The following FER variants were observed in gnomAD, a reference collection of about 807,000 sequenced individuals.
FER encodes the protein tyrosine-protein kinase Fer.
A neutral mutation model predicts 111.0 loss-of-function variants in FER; 63 were observed. That is an observed-to-expected ratio of 0.57 (90% confidence interval 0.46 to 0.70). FER has a LOEUF of 0.70. Among genes scored for constraint, FER ranks in the 30% least tolerant of loss-of-function variants. The pLI is 0.00. For synonymous variants in FER, 327 were observed against 313.9 expected (o/e 1.04, Z -0.44); for missense variants, 914 against 954.0 (o/e 0.96, Z 0.55).
At chr5:108,887,324 T>C (rs1022894754) in intron 9 of FER, among the ~76,000 whole-genome samples, 15 of 151,652 alleles carry the variant, frequency 9.9e-5, no homozygotes, top group Non-Finnish European at 2.1e-4. Context: ...CTAAAATATC[T>C]AATGACAGTG....
chr5:109,178,146 A>T (rs1757906109), intron 17 of FER, among the ~76,000 whole-genome samples: 1 of 152,208 alleles, frequency 6.6e-6, no homozygotes, highest in Non-Finnish European at 1.5e-5. Context: ...TACTTATTAG[A>T]ATATTTGCAA....
intron 11 of FER, among the ~76,000 whole-genome samples, chr5:108,952,494 A>C (rs1757902876): frequency 6.6e-6 from 1 of 152,010 alleles, no homozygotes; most frequent in African/African-American, 2.4e-5. Context: ...ATGTGTATAT[A>C]CACACATACA....
intron 10 of FER, among the ~76,000 whole-genome samples, chr5:108,919,303 G>A (rs1752698076): frequency 1.3e-5 from 2 of 151,028 alleles, no homozygotes; most frequent in Non-Finnish European, 1.5e-5. Flanking sequence ...TGGCTTTATA[G>A]ATGATCAGTA....
At chr5:108,945,768 C>T (rs553233402) in intron 10 of FER, among the ~76,000 whole-genome samples, 4 of 152,052 alleles carry the variant, frequency 2.6e-5, no homozygotes, top group Admixed American at 6.6e-5. Flanking sequence ...CCGAAATAGT[C>T]TGTTAAATAG....
At position 108,749,472 on chromosome 5, in the gene FER, G is replaced by T. The variant is rs1034908206; in HGVS notation, c.-206+1472G>T. ...TGTACCCTCACCCCTTTTCTCGGCG[G>T]CACTCATCTGGGCGCCGCCGTCCCG... On this transcript the variant is annotated intron_variant, in intron 1 of 19. Transcript: ENST00000281092. Among the ~76,000 whole-genome samples the T allele has an allele frequency of 3.3e-5, 5 of 152,156 alleles. No homozygotes were observed. The East Asian group carries it at 7.8e-4, about 24-fold the overall frequency.
chr5:108,757,374 T>A (rs1580384964), intron 1 of FER, among the ~76,000 whole-genome samples: 1 of 152,158 alleles, frequency 6.6e-6, no homozygotes, highest in East Asian at 1.9e-4. Context: ...CATGTTTCTT[T>A]GTAAAAAAAT....
In FER at chr5:108,939,821, A is replaced by G. The variant is rs78385436; in HGVS notation, c.1237-6309A>G. ...TCTTGACTGAGGACTTGAAACTCCA[A>G]ATGTTCCCAGTTACTAGTTGCAGTA... On this transcript the variant is annotated intron_variant, in intron 10 of 19. Coordinates refer to ENST00000281092, the MANE Select transcript of FER (RefSeq NM_005246.4). Among the ~76,000 whole-genome samples the G allele has an allele frequency of 9.2e-5, 14 of 152,140 alleles. No individual in the cohort carries two copies. In the East Asian group the frequency reaches 2.7e-3, roughly 29 times the overall value.
intron 5 of FER, among the ~76,000 whole-genome samples, chr5:108,860,761 A>T (rs187271104): frequency 2.5e-3 from 377 of 152,344 alleles, no homozygotes; most frequent in African/African-American, 8.5e-3. Flanking sequence ...TGCTATAAAG[A>T]CATATAATTA....
intron 17 of FER, among the ~76,000 whole-genome samples, chr5:109,115,360 G>C (rs578152445): frequency 6.6e-6 from 1 of 152,052 alleles, no homozygotes; most frequent in African/African-American, 2.4e-5. Context: ...TGACTCCTAG[G>C]TTTCTCAGAT....
intron 13 of FER, among the ~76,000 whole-genome samples, chr5:108,968,890 C>T (rs1760253620): frequency 6.6e-6 from 1 of 152,020 alleles, no homozygotes; most frequent in African/African-American, 2.4e-5. Context: ...TATGGGGCTA[C>T]TTTAGAAAAT....
At chr5:108,928,677 A>G (rs1488191164) in intron 10 of FER, among the ~76,000 whole-genome samples, 1 of 152,062 alleles carries the variant, frequency 6.6e-6, no homozygotes, top group Non-Finnish European at 1.5e-5. Context: ...TAATTTTTAT[A>G]TAGCATCTCC....
At chr5:109,182,499 G>A (rs1020714940) in intron 18 of FER, among the ~76,000 whole-genome samples, 2 of 152,112 alleles carry the variant, frequency 1.3e-5, no homozygotes, top group African/African-American at 2.4e-5. Context: ...TATTACTAAG[G>A]GGGATGATCA....
chr5:109,119,661 T>A (rs957124745), intron 17 of FER, among the ~76,000 whole-genome samples: 1 of 152,080 alleles, frequency 6.6e-6, no homozygotes, highest in Non-Finnish European at 1.5e-5. Context: ...TTTGTAGGTC[T>A]CTAAGGACTT....
At chr5:108,775,036 T>G (rs1753340802) in intron 2 of FER, among the ~76,000 whole-genome samples, 1 of 152,250 alleles carries the variant, frequency 6.6e-6, no homozygotes, top group Non-Finnish European at 1.5e-5. Context: ...GTTTTAAATT[T>G]AAATCTTTAA....
chr5:108,880,985 C>A (rs1765619790), intron 8 of FER, among the ~76,000 whole-genome samples: 1 of 152,022 alleles, frequency 6.6e-6, no homozygotes. Context: ...CTAAAAAAAT[C>A]TATTCCTGTT....
intron 17 of FER, among the ~76,000 whole-genome samples, chr5:109,149,840 T>C (rs1754626681): frequency 6.6e-6 from 1 of 152,132 alleles, no homozygotes; most frequent in Admixed American, 6.6e-5. Context: ...ATATTTACTT[T>C]AAACCAGTAC....
At chr5:108,802,708 A>T (rs1756803437) in intron 3 of FER, among the ~76,000 whole-genome samples, 1 of 151,996 alleles carries the variant, frequency 6.6e-6, no homozygotes, top group African/African-American at 2.4e-5. Context: ...TTTTATGACC[A>T]TATAGTATTC....
chr5:109,030,298 G>A (rs1004995001), intron 13 of FER, among the ~76,000 whole-genome samples: 5 of 152,112 alleles, frequency 3.3e-5, no homozygotes, highest in African/African-American at 1.2e-4. Flanking sequence ...TCCAACATCA[G>A]ATCCATCCCA....
chr5:109,090,329 T>C (rs1164948631), intron 16 of FER, among the ~76,000 whole-genome samples: 1 of 152,136 alleles, frequency 6.6e-6, no homozygotes, highest in South Asian at 2.1e-4. Flanking sequence ...TCCCCAAATA[T>C]CTAGCTGGAC....
Sources: allele counts gnomAD v4.1 joint callset (sites outside exome capture counted in the v4.1 genomes callset), GRCh38; gene constraint gnomAD v4.1.1; transcripts MANE v1.5; gene names NCBI Gene and HGNC (gene_info 2026-07-23, HGNC 2026-07-21).